Variants in AGO2 observed in about 807,000 individuals in gnomAD.
AGO2 encodes the protein argonaute RISC catalytic component 2, also known as protein argonaute-2.
In AGO2, 5 loss-of-function variants were observed where a neutral mutation model predicts 102.3. The observed-to-expected ratio is 0.05, with a 90% confidence interval of 0.03 to 0.10. The LOEUF (loss-of-function observed/expected upper bound fraction) is 0.10. Among genes scored for constraint, AGO2 ranks in the 10% least tolerant of loss-of-function variants. The probability of loss-of-function intolerance (pLI) is 1.00; values close to 1 mark genes in which losing one functional copy is unlikely to be tolerated. For missense variants in AGO2, 541 were observed against 1,183.7 expected, an observed-to-expected ratio of 0.46 and a Z score of 7.97; for synonymous variants, 449 against 473.1, an observed-to-expected ratio of 0.95 and a Z score of 0.66.
intron 2 of AGO2, among the ~76,000 whole-genome samples, chr8:140,580,647 G>A (rs2073542639): frequency 6.6e-6 from 1 of 152,230 alleles, no homozygotes; most frequent in Admixed American, 6.5e-5. Context: ...CCAGGGCACT[G>A]CAACTGATGT....
Position 140,539,930 on chromosome 8 carries a change from T to C in AGO2, c.2035-476A>G, listed in dbSNP as rs928436253. 5.3e-5 allele frequency among the ~76,000 whole-genome samples: 8 copies of C among 151,768 alleles called. No homozygotes were observed. Among genetic ancestry groups the C allele is most frequent in the Admixed American group, 2.0e-4 (3 of 15,250 alleles). On this transcript the variant is annotated intron_variant, in intron 15 of 18. Coordinates refer to ENST00000220592, the MANE Select transcript of AGO2 (RefSeq NM_012154.5). The surrounding 1 kb of genome is among the most constrained non-coding windows in gnomAD (Gnocchi z 4.7). The stretch of plus-strand genomic sequence containing the variant: ...GGTGAAACCCCATTTCTACTAAAAA[T>C]ACAAAAATTAACTGGGCGTGGTGGT...
Position 140,612,981 on chromosome 8 carries a change from C to T in AGO2, c.22+22504G>A, listed in dbSNP as rs548250312. 9.2e-5 allele frequency among the ~76,000 whole-genome samples: 14 copies of T among 151,930 alleles called. 1 individual carries two copies. The East Asian group carries it at 1.4e-3, about 15-fold the overall frequency. The stretch of plus-strand genomic sequence containing the variant: ...TTGGGAGGCCGAGGTGGGCAGATCA[C>T]GAGGTCAGGAGATCGACACCATCCT... On this transcript the variant is annotated intron_variant, in intron 1 of 18. Transcript: ENST00000220592.
Position 140,634,452 on chromosome 8 carries a change from A to C in AGO2, c.22+1033T>G, listed in dbSNP as rs547586144. 4.3e-3 allele frequency among the ~76,000 whole-genome samples: 659 copies of C among 152,322 alleles called. 7 individuals are homozygous for C. In the Middle Eastern group the frequency reaches 0.051, roughly 12 times the overall value. On this transcript the variant is annotated intron_variant, in intron 1 of 18. Coordinates refer to ENST00000220592, the MANE Select transcript of AGO2 (RefSeq NM_012154.5). ...GGCCCGGCTGGGGCCCAGCGGACAA[A>C]GGGGAGCAGGCGGTGCCCCGTCCCA...
chr8:140,590,900 C>T (rs1437871357), intron 1 of AGO2, among the ~76,000 whole-genome samples: 1 of 152,190 alleles, frequency 6.6e-6, no homozygotes, highest in Non-Finnish European at 1.5e-5. Context: ...CTCATGGGTC[C>T]CAGCTTAGGA....
upstream of AGO2, chr8:140,636,752 C>T (rs548410264): frequency 2.0e-5 from 3 of 152,272 alleles, no homozygotes; most frequent in South Asian, 6.2e-4. Flanking sequence ...ACCAAGTTGC[C>T]GATACAAAAC....
At chr8:140,621,559 A>G (rs1309571053) in intron 1 of AGO2, among the ~76,000 whole-genome samples, 1 of 152,180 alleles carries the variant, frequency 6.6e-6, no homozygotes, top group Non-Finnish European at 1.5e-5. Context: ...GAGTCTGGGT[A>G]CCGGACTCCC....
In AGO2 at chr8:140,527,845, C is replaced by T. The variant is rs954630730; in HGVS notation, c.*4199G>A. ...ATTATGTCGACTTCTAAAGCTCCTCCTAATGGAACTGCCTTATGTGTAGGA... is the reference window on the plus strand; with the variant it reads ...ATTATGTCGACTTCTAAAGCTCCTCTTAATGGAACTGCCTTATGTGTAGGA... On this transcript the variant is annotated 3_prime_UTR_variant, in exon 19 of 19. Coordinates refer to ENST00000220592, the MANE Select transcript of AGO2 (RefSeq NM_012154.5). The surrounding 1 kb of genome is among the most constrained non-coding windows in gnomAD (Gnocchi z 6.0). 3 of 152,238 alleles carry T rather than the reference C, an allele frequency of 2.0e-5. No individual in the cohort carries two copies. Among genetic ancestry groups the T allele is most frequent in the African/African-American group, 2.4e-5 (1 of 41,460 alleles). The allele number at this position is 152,238 out of a possible 1,614,324, so 9.4% of individuals were successfully genotyped here. A position where few individuals can be genotyped will look rare whatever the true frequency, so the allele number is the denominator to read the frequency against.
chr8:140,539,262 G>C lies in AGO2; in HGVS notation c.2169+58C>G, dbSNP rs774831319. The C allele has an allele frequency of 7.1e-6, 11 of 1,544,472 alleles. No homozygotes were observed. The highest frequency in any genetic ancestry group is 3.9e-5 in the Admixed American group (2 of 51,640). On this transcript the variant is annotated intron_variant, in intron 16 of 18. Coordinates refer to ENST00000220592, the MANE Select transcript of AGO2 (RefSeq NM_012154.5). The surrounding 1 kb of genome is among the most constrained non-coding windows in gnomAD (Gnocchi z 4.7). ...AGCAGGTTCTCTTGTGAGTGTGCTC[G>C]GGGTGTGGGGCTGAGGGGAGAACCG... is the stretch of plus-strand genomic sequence containing the variant.
chr8:140,572,646 G>A (rs2073397465), intron 3 of AGO2, 166 bp downstream of exon 3: 1 of 950,292 alleles, frequency 1.1e-6, no homozygotes, highest in African/African-American at 1.7e-5. Context: ...ACAACACAGA[G>A]AAGGTAGTTT....
chr8:140,600,761 T>C (rs2073922196), intron 1 of AGO2, among the ~76,000 whole-genome samples: 1 of 151,840 alleles, frequency 6.6e-6, no homozygotes, highest in South Asian at 2.1e-4. Context: ...GAGGCCTCCA[T>C]GTCTGCTGGC....
In AGO2 at chr8:140,589,609, G is replaced by T. The variant is rs776681276; in HGVS notation, c.23-4298C>A. Among the ~76,000 whole-genome samples the T allele has an allele frequency of 1.3e-5, 2 of 152,160 alleles. No individual in the cohort carries two copies. Among genetic ancestry groups the T allele is most frequent in the Non-Finnish European group, 2.9e-5 (2 of 68,032 alleles). On this transcript the variant is annotated intron_variant, in intron 1 of 18. Coordinates refer to ENST00000220592, the MANE Select transcript of AGO2 (RefSeq NM_012154.5). This position sits in a 1 kb window ranked among gnomAD's most constrained non-coding sequence, Gnocchi z 4.2. ...TTCCCGATGGTCCTCCTAGAACTCT[G>T]CATTCATTACACTGGGCATCAGCCA... is the stretch of plus-strand genomic sequence containing the variant.
intron 12 of AGO2, among the ~76,000 whole-genome samples, chr8:140,547,988 C>T (rs925474851): frequency 3.9e-5 from 6 of 152,182 alleles, no homozygotes; most frequent in African/African-American, 1.4e-4. Context: ...AAGAGCCCAA[C>T]TAAAAGAAAG....
At chr8:140,532,920 C>G (rs1026531669) in intron 17 of AGO2, among the ~76,000 whole-genome samples, 3 of 151,714 alleles carry the variant, frequency 2.0e-5, no homozygotes, top group African/African-American at 7.3e-5. Context: ...ATCACTTGAA[C>G]CCGTGAGGTA....
intron 1 of AGO2, among the ~76,000 whole-genome samples, 187 bp downstream of exon 1, chr8:140,635,298 C>G (rs2074392204): frequency 6.9e-6 from 1 of 145,976 alleles, no homozygotes; most frequent in African/African-American, 2.5e-5. Context: ...GAGAAAACGG[C>G]CGGCTCGGCC....
intron 1 of AGO2, among the ~76,000 whole-genome samples, chr8:140,586,872 G>A (rs979955514): frequency 4.6e-5 from 7 of 152,108 alleles, no homozygotes; most frequent in East Asian, 1.9e-4. Context: ...TTTCAGGGTC[G>A]GGCACGCTCC....
chr8:140,631,398 C>T (rs868090008), intron 1 of AGO2, among the ~76,000 whole-genome samples: 1 of 151,896 alleles, frequency 6.6e-6, no homozygotes, highest in Non-Finnish European at 1.5e-5. Flanking sequence ...GAAAATTAGC[C>T]GGACATGGTG....
intron 3 of AGO2, among the ~76,000 whole-genome samples, chr8:140,565,236 G>A (rs538075697): frequency 1.3e-5 from 2 of 152,090 alleles, no homozygotes; most frequent in South Asian, 2.1e-4. Flanking sequence ...TCAGGAGATC[G>A]AGACCATCCT....
At chr8:140,545,051 G>A (rs578182783) in intron 13 of AGO2, among the ~76,000 whole-genome samples, 4 of 152,308 alleles carry the variant, frequency 2.6e-5, no homozygotes, top group South Asian at 2.1e-4. Context: ...AGAAGTGGCC[G>A]TTCTGCCAGC....
rs1381625096 is a variant in AGO2 at position 140,540,805 on chromosome 8, G to C, written c.2034+359C>G. ...CGCAATGAGCTCCCCGCCTCGCAGG[G>C]ACACCCGACAGCTCTCCACAGCCTG... On this transcript the variant is annotated intron_variant, in intron 15 of 18. Coordinates refer to ENST00000220592, the MANE Select transcript of AGO2 (RefSeq NM_012154.5). The surrounding 1 kb of genome is among the most constrained non-coding windows in gnomAD (Gnocchi z 5.0). 6.6e-6 allele frequency among the ~76,000 whole-genome samples: 1 copy of C among 152,150 alleles called. No homozygotes were observed. Among genetic ancestry groups the C allele is most frequent in the Non-Finnish European group, 1.5e-5 (1 of 68,032 alleles).
Sources: allele counts gnomAD v4.1 joint callset (sites outside exome capture counted in the v4.1 genomes callset), GRCh38; gene constraint gnomAD v4.1.1; non-coding constraint Gnocchi (gnomAD v3.1); transcripts MANE v1.5; gene names NCBI Gene and HGNC (gene_info 2026-07-23, HGNC 2026-07-21).